Variants in TRHDE observed in about 807,000 individuals in gnomAD.
The protein encoded by TRHDE is thyrotropin releasing hormone degrading enzyme, also known as thyrotropin-releasing hormone-degrading ectoenzyme.
A neutral mutation model predicts 125.7 loss-of-function variants in TRHDE; 72 were observed. The observed-to-expected ratio is 0.57, with a 90% CI of 0.47 to 0.70. The LOEUF is 0.70. Among genes scored for constraint, TRHDE ranks in the 30% least tolerant of loss-of-function variants. The pLI, the probability that TRHDE is intolerant of heterozygous loss-of-function variation, is 0.00. For missense variants in TRHDE, 1,110 were observed against 1,327.1 expected (o/e 0.84, Z 2.54); for synonymous variants, 509 against 509.1 (o/e 1.00, Z 0.00).
At chr12:72,260,670 A>G (rs1294290753) in intron 2 of TRHDE, among the ~76,000 whole-genome samples, 1 of 152,188 alleles carries the variant, frequency 6.6e-6, no homozygotes, top group African/African-American at 2.4e-5. Flanking sequence ...ACAGCCAAAA[A>G]GAGTGCTGGG....
At chr12:72,488,660 A>T (rs2135922911) in intron 5 of TRHDE, among the ~76,000 whole-genome samples, 1 of 152,166 alleles carries the variant, frequency 6.6e-6, no homozygotes, top group Non-Finnish European at 1.5e-5. Flanking sequence ...TGAACCTAGT[A>T]GACATATATG....
intron 3 of TRHDE, among the ~76,000 whole-genome samples, chr12:72,447,650 T>C (rs1289036450): frequency 6.6e-6 from 1 of 152,020 alleles, no homozygotes; most frequent in Non-Finnish European, 1.5e-5. Context: ...CTATCTCGGG[T>C]ATGAATACTA....
chr12:72,514,080 T>C (rs1344237461), intron 6 of TRHDE, among the ~76,000 whole-genome samples: 10 of 152,116 alleles, frequency 6.6e-5, no homozygotes, highest in Admixed American at 6.6e-4. Context: ...TAATTTAAAA[T>C]GGCTGGTCCT....
At chr12:72,549,679 C>T (rs923571) in intron 7 of TRHDE, among the ~76,000 whole-genome samples, 8,742 of 151,374 alleles carry the variant, frequency 0.058, 385 homozygotes, top group Non-Finnish European at 0.088. Context: ...CTAACTATAA[C>T]GGAAAATTAA....
At chr12:72,151,213 G>T (rs983999982) in intron 2 of TRHDE, among the ~76,000 whole-genome samples, 3 of 152,176 alleles carry the variant, frequency 2.0e-5, no homozygotes, top group Non-Finnish European at 4.4e-5. Flanking sequence ...AGAAGTGTCT[G>T]TTCATATCCT....
intron 3 of TRHDE, among the ~76,000 whole-genome samples, chr12:72,381,547 C>T (rs578236310): frequency 0.016 from 2,487 of 151,844 alleles, 39 homozygotes; most frequent in Non-Finnish European, 0.029. Context: ...AGGCGCCCGC[C>T]ACTACGCCTG....
At chr12:72,236,611 G>C (rs1878343103) in intron 2 of TRHDE, among the ~76,000 whole-genome samples, 1 of 151,902 alleles carries the variant, frequency 6.6e-6, no homozygotes, top group Non-Finnish European at 1.5e-5. Context: ...ATTGCTTCAG[G>C]CCCTGCATGC....
intron 5 of TRHDE, among the ~76,000 whole-genome samples, chr12:72,483,786 A>C (rs1398172503): frequency 6.6e-6 from 1 of 152,030 alleles, no homozygotes; most frequent in African/African-American, 2.4e-5. Flanking sequence ...AAATATAAAG[A>C]CTTCTTATTA....
chr12:72,207,753 G>C (rs1877698724), intron 2 of TRHDE, among the ~76,000 whole-genome samples: 1 of 152,094 alleles, frequency 6.6e-6, no homozygotes. Context: ...TTCTCTGCAA[G>C]CAATGAAGCC....
intron 2 of TRHDE, among the ~76,000 whole-genome samples, chr12:72,158,720 C>T (rs139628245): frequency 2.6e-4 from 39 of 152,242 alleles, no homozygotes; most frequent in Middle Eastern, 3.4e-3. Flanking sequence ...ATAAGATTTG[C>T]ATAATCCTCT....
chr12:72,432,276 A>C (rs888567541), intron 3 of TRHDE, among the ~76,000 whole-genome samples: 1 of 152,160 alleles, frequency 6.6e-6, no homozygotes. Context: ...GCCAGAGAAC[A>C]GCCCCAAGAA....
chr12:72,114,191 T>TA (rs58786562), intron 2 of TRHDE, among the ~76,000 whole-genome samples: 114,290 of 151,248 alleles, frequency 0.76, 43,822 homozygotes, highest in Non-Finnish European at 0.82. Context: ...TGCTGGGTCT[T>TA]TCAAACTCTG....
At chr12:72,490,477 C>T (rs1175610115) in intron 5 of TRHDE, among the ~76,000 whole-genome samples, 1 of 151,486 alleles carries the variant, frequency 6.6e-6, no homozygotes, top group Non-Finnish European at 1.5e-5. Flanking sequence ...GCATACATAC[C>T]CAAAGGAAAT....
At chr12:72,425,215 A>C (rs1259316918) in intron 3 of TRHDE, among the ~76,000 whole-genome samples, 1 of 152,178 alleles carries the variant, frequency 6.6e-6, no homozygotes, top group Non-Finnish European at 1.5e-5. Context: ...ATTGGCCAGC[A>C]AAACCCTCAA....
At chr12:72,635,682 A>C (rs113289325) in intron 15 of TRHDE, among the ~76,000 whole-genome samples, 24,598 of 149,766 alleles carry the variant, frequency 0.16, 2,710 homozygotes, top group East Asian at 0.53. Flanking sequence ...TTTTTGTATA[A>C]GGTGTAAGGA....
In TRHDE at chr12:72,663,370, T is replaced by C. The variant is rs1874995541; in HGVS notation, c.*175T>C. On this transcript the variant is annotated 3_prime_UTR_variant, in exon 19 of 19. Transcript: ENST00000261180. ...GTTTTGGGGGATATTTTTTATTTGTTTCATTCATTCTGTTCTGTTTCTCTA... is the reference window on the plus strand; with the variant it reads ...GTTTTGGGGGATATTTTTTATTTGTCTCATTCATTCTGTTCTGTTTCTCTA... 2.1e-6 allele frequency: 1 copy of C among 486,820 alleles called. No individual in the cohort carries two copies. The highest frequency in any genetic ancestry group is 3.6e-6 in the Non-Finnish European group (1 of 280,998). 30.2% of individuals were successfully genotyped at this position (486,820 alleles called of 1,614,324 possible). A position where few individuals can be genotyped will look rare whatever the true frequency, so the allele number is the denominator to read the frequency against.
At chr12:72,440,436 A>G (rs1358650927) in intron 3 of TRHDE, among the ~76,000 whole-genome samples, 1 of 151,928 alleles carries the variant, frequency 6.6e-6, no homozygotes, top group Non-Finnish European at 1.5e-5. Context: ...ACATATTTTT[A>G]AGAATAAATT....
intron 6 of TRHDE, among the ~76,000 whole-genome samples, chr12:72,540,483 GTCA>G (rs1348961227): frequency 6.6e-6 from 1 of 151,650 alleles, no homozygotes; most frequent in African/African-American, 2.4e-5. Context: ...AAGAGACCAA[GTCA>G]TCATTACCTG....
intron 2 of TRHDE, among the ~76,000 whole-genome samples, chr12:72,310,544 G>GAAATGCTT (rs767784666): frequency 1.7e-3 from 258 of 152,260 alleles, no homozygotes; most frequent in Non-Finnish European, 2.4e-3. Flanking sequence ...AGCAATAAGT[G>GAAATGCTT]TGAAAATGCT....
Sources: gnomAD v4.1 joint callset for allele counts (sites outside exome capture counted in the v4.1 genomes callset) on GRCh38, gnomAD v4.1.1 for gene constraint, MANE v1.5 for transcripts, NCBI Gene and HGNC (gene_info 2026-07-23, HGNC 2026-07-21) for gene names.